Variants in CLTC observed in about 807,000 individuals in gnomAD.
CLTC encodes the protein clathrin heavy chain.
CLTC carries 16 observed loss-of-function variants against 195.8 expected under a neutral mutation model. The observed-to-expected ratio is 0.08, with a 90% CI of 0.06 to 0.12. The LOEUF (loss-of-function observed/expected upper bound fraction) is 0.12, where lower values mean the gene tolerates loss of function less well. Ranked by LOEUF, CLTC falls within the 10% of genes least tolerant of loss-of-function variation. CLTC has a pLI of 1.00. For missense variants in CLTC, 796 were observed against 2,027.0 expected (o/e 0.39, Z 11.66); for synonymous variants, 667 against 689.4 (o/e 0.97, Z 0.51).
intron 1 of CLTC, 51 bp downstream of exon 1, chr17:59,620,224 A>T (rs1433878644): frequency 6.3e-7 from 1 of 1,599,484 alleles, no homozygotes; most frequent in Non-Finnish European, 8.6e-7. Context: ...GGTAGGAAGG[A>T]TGGAAGACGC....
chr17:59,670,453 C>T (rs1032405769), intron 14 of CLTC, among the ~76,000 whole-genome samples: 1 of 151,978 alleles, frequency 6.6e-6, no homozygotes, highest in Non-Finnish European at 1.5e-5. Context: ...CATCCTCCAC[C>T]CTTCAGTAGG....
chr17:59,629,874 A>T (rs1272513861), intron 1 of CLTC, among the ~76,000 whole-genome samples: 3 of 151,930 alleles, frequency 2.0e-5, no homozygotes, highest in African/African-American at 4.8e-5. Flanking sequence ...CTGATAACGC[A>T]AATAGATTTG....
chr17:59,647,243 CT>C (rs771989258), intron 2 of CLTC, among the ~76,000 whole-genome samples, 154 bp from the exon 3 acceptor site: 4 of 152,174 alleles, frequency 2.6e-5, no homozygotes, highest in Non-Finnish European at 4.4e-5. Flanking sequence ...TTTGCTTAGT[CT>C]TAGCTGTTAC....
Position 59,663,973 on chromosome 17 carries a change from G to T in CLTC, c.1500G>T (p.Lys500Asn). Residue 500 changes from lysine (K) to asparagine (N), a missense_variant, in exon 9 of 32, where the codon AAG becomes AAT. Physicochemically the swap from Lys to Asn is moderately conservative, Grantham distance 94. This residue lies in a region of CLTC where 293 missense variants were observed against 795.6 expected (regional missense o/e 0.37). Coordinates refer to ENST00000269122, the MANE Select transcript of CLTC (RefSeq NM_004859.4). Reference sequence around the variant, plus strand: ...TTGCAGAAACAGGTCAAGTCCAAAAGATTGTTTTATATGCTAAAAAAGTGA... The same window carrying T: ...TTGCAGAAACAGGTCAAGTCCAAAATATTGTTTTATATGCTAAAAAAGTGA... ...QCFAETGQVQ[K>N]IVLYAKKVGY... is the part of the protein sequence containing the mutation. The T allele has an allele frequency of 6.2e-7, 1 of 1,613,234 alleles. No individual in the cohort carries two copies. Among genetic ancestry groups the T allele is most frequent in the South Asian group, 1.1e-5 (1 of 90,900 alleles).
At position 59,682,608 on chromosome 17, in the gene CLTC, G is replaced by A. The variant is rs1011579077; in HGVS notation, c.3601-21G>A. On this transcript the variant is annotated intron_variant, in intron 22 of 31. Transcript: ENST00000269122. The surrounding 1 kb of genome is among the most constrained non-coding windows in gnomAD (Gnocchi z 6.8). ...CTCACACTAATATCTTGCTGAATGT[G>A]GGTTACCTTTTTTTTTCCAGGTTGG... 1.7e-5 allele frequency: 27 copies of A among 1,612,316 alleles called. No homozygotes were observed. The highest frequency in any genetic ancestry group is 2.3e-5 in the Non-Finnish European group (27 of 1,178,624).
intron 1 of CLTC, among the ~76,000 whole-genome samples, chr17:59,622,916 G>A (rs1407085847): frequency 6.6e-6 from 1 of 152,200 alleles, no homozygotes; most frequent in Non-Finnish European, 1.5e-5. Context: ...GCAAATGAAT[G>A]TGAATATATG....
chr17:59,633,993 C>T (rs1414789725), intron 1 of CLTC, among the ~76,000 whole-genome samples: 1 of 152,172 alleles, frequency 6.6e-6, no homozygotes, highest in African/African-American at 2.4e-5. Context: ...GTTGCAGCCT[C>T]TGCCTCCTGG....
In CLTC at chr17:59,696,019, C is replaced by T. The variant is rs1483688711; in HGVS notation, c.*2167C>T. The T allele has an allele frequency of 1.9e-5, 4 of 206,678 alleles. No individual in the cohort carries two copies. The highest frequency in any genetic ancestry group is 5.9e-5 in the Admixed American group (1 of 16,810). The allele number at this position is 206,678 out of a possible 1,614,324, so 12.8% of individuals were successfully genotyped here. ...CATAGTATTCCTTTTAGTAGATATG[C>T]CATGACAGTTACTTAGCCACCCCAT... On this transcript the variant is annotated 3_prime_UTR_variant, in exon 32 of 32. Coordinates refer to ENST00000269122, the MANE Select transcript of CLTC (RefSeq NM_004859.4).
intron 6 of CLTC, among the ~76,000 whole-genome samples, chr17:59,658,013 A>G (rs1443437884): frequency 2.0e-5 from 3 of 152,050 alleles, no homozygotes; most frequent in Non-Finnish European, 4.4e-5. Context: ...AGCCTGACCA[A>G]TATGGTGAAA....
chr17:59,674,452 G>A (rs549727855), intron 15 of CLTC, among the ~76,000 whole-genome samples: 14 of 151,796 alleles, frequency 9.2e-5, no homozygotes, highest in Admixed American at 1.3e-4. Flanking sequence ...TAACCAAACC[G>A]GTAGAGACAG....
intron 1 of CLTC, among the ~76,000 whole-genome samples, chr17:59,636,719 C>T (rs1464444345): frequency 1.3e-5 from 2 of 151,924 alleles, no homozygotes; most frequent in African/African-American, 4.8e-5. Context: ...TCATATTTTA[C>T]CTGTAAACAC....
chr17:59,690,572 C>A (rs1228041761), intron 30 of CLTC, 64 bp from the exon 31 acceptor site: 7 of 1,133,094 alleles, frequency 6.2e-6, no homozygotes, highest in Admixed American at 2.0e-5. Context: ...TTTCCACTTT[C>A]TGCCATAAAC....
rs953259052 is a variant in CLTC, at chr17:59,694,460, C to T, written c.*608C>T. On this transcript the variant is annotated 3_prime_UTR_variant, in exon 32 of 32. Coordinates refer to ENST00000269122, the MANE Select transcript of CLTC (RefSeq NM_004859.4). The stretch of plus-strand genomic sequence containing the variant: ...AGGCCCTCTAACCTATGCAGGTTTC[C>T]CCATTATGCATATAGAAAATGCTAG... 13 of 224,630 alleles carry T rather than the reference C, an allele frequency of 5.8e-5. No homozygotes were observed. The highest frequency in any genetic ancestry group is 1.3e-3 in the Middle Eastern group (1 of 756). The allele number at this position is 224,630 out of a possible 1,614,324, so 13.9% of individuals were successfully genotyped here.
chr17:59,682,580 A>C lies in CLTC; in HGVS notation c.3601-49A>C. On this transcript the variant is annotated intron_variant, in intron 22 of 31. Coordinates refer to ENST00000269122, the MANE Select transcript of CLTC (RefSeq NM_004859.4). The surrounding 1 kb of genome is among the most constrained non-coding windows in gnomAD (Gnocchi z 6.8). ...AAGATATCAATTTGAAAAGAGGATTAAGCTCACACTAATATCTTGCTGAAT... is the reference window on the plus strand; with the variant it reads ...AAGATATCAATTTGAAAAGAGGATTCAGCTCACACTAATATCTTGCTGAAT... 1 of 1,598,576 alleles carries C rather than the reference A, an allele frequency of 6.3e-7. No homozygotes were observed. Among genetic ancestry groups the C allele is most frequent in the Middle Eastern group, 1.7e-4 (1 of 5,978 alleles).
At chr17:59,640,090 A>G (rs998241544) in intron 1 of CLTC, among the ~76,000 whole-genome samples, 3 of 152,310 alleles carry the variant, frequency 2.0e-5, no homozygotes, top group South Asian at 2.1e-4. Flanking sequence ...AATATGTTGC[A>G]TTTTAAAAGT....
intron 1 of CLTC, 146 bp from the exon 2 acceptor site, chr17:59,644,130 A>T: frequency 3.1e-6 from 2 of 645,588 alleles, no homozygotes; most frequent in Non-Finnish European, 5.3e-6. Context: ...CTTGGCTATT[A>T]ATAGTCTCTC....
Position 59,666,740 on chromosome 17 carries a change from A to G in CLTC, c.1948-57A>G. On this transcript the variant is annotated intron_variant, in intron 12 of 31. Transcript: ENST00000269122. The surrounding 1 kb of genome is among the most constrained non-coding windows in gnomAD (Gnocchi z 4.9). ...TACTAAATATTAATAATTTCATACC[A>G]CCATGAGGTTCAACATTATTTCATT... The G allele has an allele frequency of 1.3e-6, 2 of 1,564,484 alleles. No homozygotes were observed. The highest frequency in any genetic ancestry group is 1.8e-5 in the Admixed American group (1 of 56,764).
At chr17:59,674,666 C>G in intron 15 of CLTC, 35 bp from the exon 16 acceptor site, 5 of 1,572,402 alleles carry the variant, frequency 3.2e-6, no homozygotes, top group Non-Finnish European at 4.3e-6. Flanking sequence ...CTTTTAATAA[C>G]ATAATAACAT....
intron 16 of CLTC, among the ~76,000 whole-genome samples, chr17:59,676,374 G>A (rs2032965880): frequency 6.6e-6 from 1 of 152,170 alleles, no homozygotes; most frequent in African/African-American, 2.4e-5. Flanking sequence ...AGGTAATGCT[G>A]TATGTTAATT....
Sources: allele counts gnomAD v4.1 joint callset (sites outside exome capture counted in the v4.1 genomes callset), GRCh38; gene constraint gnomAD v4.1.1; regional missense constraint gnomAD v4.1.1; non-coding constraint Gnocchi (gnomAD v3.1); transcripts MANE v1.5; gene names NCBI Gene and HGNC (gene_info 2026-07-23, HGNC 2026-07-21).